The following CC2D2A variants were observed in gnomAD, a reference collection of about 807,000 sequenced individuals.
CC2D2A encodes the protein coiled-coil and C2 domain containing 2A.
Under a neutral mutation model 212.9 loss-of-function variants are expected in CC2D2A, and 155 were observed. The observed-to-expected ratio is 0.73, with a 90% CI of 0.64 to 0.83. The LOEUF (loss-of-function observed/expected upper bound fraction) is 0.83. Among genes scored for constraint, CC2D2A ranks in the 40% least tolerant of loss-of-function variants. The probability of loss-of-function intolerance (pLI) is 0.00; values close to 1 mark genes in which losing one functional copy is unlikely to be tolerated. For missense variants in CC2D2A, 1,856 were observed against 1,956.2 expected (o/e 0.95, Z 0.97); for synonymous variants, 667 against 686.5 (o/e 0.97, Z 0.44).
chr4:15,499,680 A>C (rs1715812105), intron 4 of CC2D2A, among the ~76,000 whole-genome samples: 1 of 152,178 alleles, frequency 6.6e-6, no homozygotes, highest in Non-Finnish European at 1.5e-5. Context: ...TGAATTTTTA[A>C]AGAGGGGGTA....
chr4:15,558,722 G>T (rs1425824654), intron 21 of CC2D2A, among the ~76,000 whole-genome samples: 1 of 152,062 alleles, frequency 6.6e-6, no homozygotes, highest in Non-Finnish European at 1.5e-5. Context: ...CAGAAAAGGG[G>T]AGAGGCCTGA....
chr4:15,561,906 C>G (rs918432665), intron 23 of CC2D2A, among the ~76,000 whole-genome samples: 5 of 152,186 alleles, frequency 3.3e-5, no homozygotes, highest in African/African-American at 1.2e-4. Context: ...TGCTCTCCCT[C>G]CTACTACTAA....
At chr4:15,556,005 T>G (rs1332178733) in intron 20 of CC2D2A, among the ~76,000 whole-genome samples, 2 of 152,236 alleles carry the variant, frequency 1.3e-5, no homozygotes, top group African/African-American at 4.8e-5. Context: ...TTGTTTTGTT[T>G]TCTTGTTGTT....
intron 2 of CC2D2A, among the ~76,000 whole-genome samples, chr4:15,476,185 G>A (rs1714201381): frequency 6.6e-6 from 1 of 152,244 alleles, no homozygotes; most frequent in East Asian, 1.9e-4. Context: ...AGAGAGCTCT[G>A]CTCTGCTCTG....
rs761292350 is a variant in CC2D2A, at chr4:15,587,849, G to T, written c.4099G>T (p.Glu1367Ter). Residue 1367 changes from glutamate to a stop codon, truncating the protein, a stop_gained, in exon 32 of 37, where the codon GAA becomes TAA. Transcript: ENST00000424120. LOFTEE classifies it high-confidence loss of function. ...FLDLLAGDEE[E>*]HAVLLCNYFL... is the part of the protein sequence containing the mutation. ...TGATCTCCTGGCAGGGGATGAAGAA[G>T]AACATGCAGTACTATTGTGTAATTA... The T allele has an allele frequency of 6.2e-7, 1 of 1,613,246 alleles. No homozygotes were observed. Among genetic ancestry groups the T allele is most frequent in the East Asian group, 2.2e-5 (1 of 44,870 alleles).
chr4:15,511,224 G>A (rs200943795), intron 7 of CC2D2A, 23 bp from the exon 8 acceptor site: 78 of 1,578,118 alleles, frequency 4.9e-5, no homozygotes, highest in Middle Eastern at 3.3e-4. Context: ...GGGAAATTGC[G>A]ATTGCTCCTT....
At chr4:15,588,436 T>C (rs1720948552) in intron 32 of CC2D2A, among the ~76,000 whole-genome samples, 1 of 152,150 alleles carries the variant, frequency 6.6e-6, no homozygotes, top group South Asian at 2.1e-4. Context: ...ATATTAACAT[T>C]GTTATTTTTA....
rs528343822 is a variant in CC2D2A, at chr4:15,550,748, A to C, written c.2182-76A>C. On this transcript the variant is annotated intron_variant, in intron 17 of 36. Coordinates refer to ENST00000424120, the MANE Select transcript of CC2D2A (RefSeq NM_001378615.1). ...AACAGTGACCAGCACAAATACTAAC[A>C]ACATGGACTGATTATCTGAGCGTGA... 105 of 1,130,114 alleles carry C rather than the reference A, an allele frequency of 9.3e-5. 1 individual carries two copies. The African/African-American group carries it at 1.6e-3, about 17-fold the overall frequency. 70.0% of individuals were successfully genotyped at this position (1,130,114 alleles called of 1,614,324 possible).
intron 8 of CC2D2A, among the ~76,000 whole-genome samples, chr4:15,512,515 G>C (rs1716623752): frequency 6.6e-6 from 1 of 152,112 alleles, no homozygotes; most frequent in South Asian, 2.1e-4. Context: ...AAATCATAGA[G>C]ACAGAAAGTA....
chr4:15,595,128 C>A (rs1483703454), intron 33 of CC2D2A, among the ~76,000 whole-genome samples: 2 of 152,086 alleles, frequency 1.3e-5, no homozygotes, highest in African/African-American at 4.8e-5. Flanking sequence ...TGTTTGCTAT[C>A]TTTTCTTATT....
chr4:15,544,663 G>C (rs1718619557), intron 17 of CC2D2A, among the ~76,000 whole-genome samples: 1 of 152,166 alleles, frequency 6.6e-6, no homozygotes, highest in African/African-American at 2.4e-5. Flanking sequence ...GGGCACTTCT[G>C]AATGTTCTGA....
At chr4:15,519,572 C>T (rs779605201) in intron 11 of CC2D2A, 1 of 439,788 alleles carries the variant, frequency 2.3e-6, no homozygotes, top group African/African-American at 2.0e-5. Context: ...AAGACATACC[C>T]AAGCCTGGGC....
At chr4:15,568,302 A>G (rs997891749) in intron 26 of CC2D2A, among the ~76,000 whole-genome samples, 1 of 152,278 alleles carries the variant, frequency 6.6e-6, no homozygotes, top group African/African-American at 2.4e-5. Flanking sequence ...AAGAAACTAA[A>G]ACCCAAAAAG....
chr4:15,492,700 C>T, intron 4 of CC2D2A: 1 of 736,524 alleles, frequency 1.4e-6, no homozygotes, highest in South Asian at 1.4e-5. Context: ...CGTGCTCTCA[C>T]TGGGTCTGGT....
chr4:15,562,466 A>C (rs1357468880), intron 23 of CC2D2A, among the ~76,000 whole-genome samples: 2 of 152,218 alleles, frequency 1.3e-5, no homozygotes, highest in East Asian at 3.8e-4. Context: ...TCTTACAGGA[A>C]GTGTTTCTTG....
intron 17 of CC2D2A, among the ~76,000 whole-genome samples, chr4:15,544,652 T>G (rs1478646053): frequency 1.3e-5 from 2 of 152,170 alleles, no homozygotes; most frequent in African/African-American, 4.8e-5. Context: ...ACTCCCACTA[T>G]GGGCACTTCT....
chr4:15,488,656 T>A (rs1715139503), intron 4 of CC2D2A, among the ~76,000 whole-genome samples: 1 of 152,218 alleles, frequency 6.6e-6, no homozygotes, highest in Non-Finnish European at 1.5e-5. Flanking sequence ...AAACTTCTCA[T>A]GAGTCTAGGC....
At chr4:15,528,800 A>G in intron 13 of CC2D2A, 74 bp downstream of exon 13, 3 of 1,075,250 alleles carry the variant, frequency 2.8e-6, no homozygotes, top group Non-Finnish European at 4.1e-6. Flanking sequence ...ATTTTTCCAG[A>G]TACTTTTTCT....
rs1376846940 is a variant in CC2D2A at position 15,555,178 on chromosome 4, C to T, written c.2593C>T (p.Pro865Ser). 3.1e-6 allele frequency: 5 copies of T among 1,613,592 alleles called. No homozygotes were observed. The highest frequency in any genetic ancestry group is 1.6e-4 in the Middle Eastern group (1 of 6,082). ...AAESKLDPND[P>S]NNAPLMQLIS... ...AGAGTCCAAGCTCGACCCAAATGAC[C>T]CCAACAATGCCCCTTTGATGCAGCT... Residue 865 changes from proline to serine, a missense_variant, in exon 20 of 37, where the codon CCC (proline) becomes TCC (serine). Transcript: ENST00000424120.
Sources: allele counts gnomAD v4.1 joint callset (sites outside exome capture counted in the v4.1 genomes callset), GRCh38; gene constraint gnomAD v4.1.1; transcripts MANE v1.5; gene names NCBI Gene and HGNC (gene_info 2026-07-23, HGNC 2026-07-21).